The following PKN2 variants were observed in gnomAD, a reference collection of about 807,000 sequenced individuals.
PKN2 encodes the protein protein kinase N2, also known as serine/threonine-protein kinase N2.
Under a neutral mutation model 119.1 loss-of-function variants are expected in PKN2, and 38 were observed. That is an observed-to-expected ratio of 0.32 (90% CI 0.25 to 0.42). PKN2 has a LOEUF of 0.42. PKN2 is among the 10% of genes least tolerant of loss of function. The pLI is 1.00. For synonymous variants in PKN2, 390 were observed against 384.9 expected, an observed-to-expected ratio of 1.01 and a Z score of -0.15; for missense variants, 850 against 1,165.1, an observed-to-expected ratio of 0.73 and a Z score of 3.94.
At chr1:88,742,310 T>C (rs972745215) in intron 2 of PKN2, among the ~76,000 whole-genome samples, 1 of 152,166 alleles carries the variant, frequency 6.6e-6, no homozygotes, top group Admixed American at 6.5e-5. Context: ...GAACCTTAAA[T>C]TTTTACCATC....
At chr1:88,775,449 G>GT (rs1670053855) in intron 6 of PKN2, among the ~76,000 whole-genome samples, 1 of 151,906 alleles carries the variant, frequency 6.6e-6, no homozygotes, top group Non-Finnish European at 1.5e-5. Context: ...CTCATTTTTG[G>GT]TTTTGTGCTG....
intron 2 of PKN2, among the ~76,000 whole-genome samples, chr1:88,758,038 CAAAAAAAA>C (rs33914457): frequency 1.7e-5 from 1 of 59,070 alleles, no homozygotes. Flanking sequence ...GAGACTATCT[CAAAAAAAA>C]AAAAAAAAAA....
chr1:88,761,031 G>A lies in PKN2; in HGVS notation c.504+655G>A, dbSNP rs532844243. Reference sequence around the variant, plus strand: ...CAATGAAAAGATGGGACATTTTGGCGTCATCAATAATTGCTTGGCCTAGAC... The same window carrying A: ...CAATGAAAAGATGGGACATTTTGGCATCATCAATAATTGCTTGGCCTAGAC... On this transcript the variant is annotated intron_variant, in intron 3 of 21. Coordinates refer to ENST00000370521, the MANE Select transcript of PKN2 (RefSeq NM_006256.4). Among the ~76,000 whole-genome samples, 16 of 152,212 alleles carry A rather than the reference G, an allele frequency of 1.1e-4. 1 individual carries two copies. The highest frequency in any genetic ancestry group is 7.8e-4 in the Admixed American group (12 of 15,298).
At chr1:88,832,578 TTTG>T (rs1286717948) in intron 19 of PKN2, among the ~76,000 whole-genome samples, 163 bp from the exon 20 acceptor site, 3 of 151,878 alleles carry the variant, frequency 2.0e-5, no homozygotes, top group African/African-American at 2.4e-5. Flanking sequence ...TTATAGTTCT[TTTG>T]TTGTTGTTTT....
At chr1:88,829,339 T>C in intron 19 of PKN2, 1 of 393,060 alleles carries the variant, frequency 2.5e-6, no homozygotes, top group South Asian at 3.5e-5. Flanking sequence ...CACCAACAGC[T>C]CCACCGAGAT....
At chr1:88,758,085 A>T (rs1557591388) in intron 2 of PKN2, among the ~76,000 whole-genome samples, 1 of 149,304 alleles carries the variant, frequency 6.7e-6, no homozygotes, top group East Asian at 2.0e-4. Flanking sequence ...ATAATAATGG[A>T]TTATCCGGAA....
chr1:88,707,732 G>A (rs1385585347), intron 1 of PKN2, among the ~76,000 whole-genome samples: 2 of 151,964 alleles, frequency 1.3e-5, no homozygotes, highest in Admixed American at 6.6e-5. Context: ...GATTGTAACA[G>A]GATTGGTATA....
intron 1 of PKN2, among the ~76,000 whole-genome samples, chr1:88,735,379 C>T (rs1175623085): frequency 3.3e-5 from 5 of 152,030 alleles, no homozygotes; most frequent in Non-Finnish European, 7.4e-5. Flanking sequence ...CACCCAAGGC[C>T]TTGAGCTCCT....
At chr1:88,726,245 T>G (rs77952354) in intron 1 of PKN2, among the ~76,000 whole-genome samples, 6,064 of 152,280 alleles carry the variant, frequency 0.04, 279 homozygotes, top group African/African-American at 0.1. Flanking sequence ...GCAGACATCC[T>G]TGTCCTAATG....
intron 3 of PKN2, among the ~76,000 whole-genome samples, chr1:88,764,575 T>C (rs1443663118): frequency 6.6e-6 from 1 of 152,224 alleles, no homozygotes; most frequent in African/African-American, 2.4e-5. Context: ...GTTAAAACAA[T>C]GGATACCGCT....
At position 88,834,662 on chromosome 1, in the gene PKN2, T is replaced by C. The variant is rs1343755022; in HGVS notation, c.*1214T>C. The C allele has an allele frequency of 6.6e-6, 1 of 152,448 alleles. No individual in the cohort carries two copies. The highest frequency in any genetic ancestry group is 1.5e-5 in the Non-Finnish European group (1 of 67,972). 9.4% of individuals were successfully genotyped at this position (152,448 alleles called of 1,614,324 possible). A position where few individuals can be genotyped will look rare whatever the true frequency, so the allele number is the denominator to read the frequency against. Reference sequence around the variant, plus strand: ...CTATATTTTATTAAAAAATGAATTATAACACTAAAGCTGTACCTCAAAAGT... The same window carrying C: ...CTATATTTTATTAAAAAATGAATTACAACACTAAAGCTGTACCTCAAAAGT... On this transcript the variant is annotated 3_prime_UTR_variant, in exon 22 of 22. Coordinates refer to ENST00000370521, the MANE Select transcript of PKN2 (RefSeq NM_006256.4).
Position 88,807,324 on chromosome 1 carries a change from T to G in PKN2, c.1815T>G (p.Thr605=). Residue 605 remains threonine, a synonymous_variant, in exon 13 of 22, where the codon ACT becomes ACG. Transcript: ENST00000370521. ...TTAATATTTTACAGGATTCAGAGACTGTTTTTGATATTCAGAATGACAGAA... is the reference window on the plus strand; with the variant it reads ...TTAATATTTTACAGGATTCAGAGACGGTTTTTGATATTCAGAATGACAGAA... ...VLDIPGQDSE[T]VFDIQNDRNS... 1 of 1,564,972 alleles carries G rather than the reference T, an allele frequency of 6.4e-7. No homozygotes were observed. Among genetic ancestry groups the G allele is most frequent in the African/African-American group, 1.4e-5 (1 of 73,378 alleles).
At chr1:88,765,896 C>T (rs1419768811) in intron 3 of PKN2, among the ~76,000 whole-genome samples, 1 of 152,192 alleles carries the variant, frequency 6.6e-6, no homozygotes, top group East Asian at 1.9e-4. Flanking sequence ...ACTGCAGCCT[C>T]CACCTCCCAG....
intron 2 of PKN2, among the ~76,000 whole-genome samples, chr1:88,756,201 T>G (rs1244040740): frequency 6.6e-6 from 1 of 152,142 alleles, no homozygotes; most frequent in Non-Finnish European, 1.5e-5. Context: ...CGGCCGGATA[T>G]TTCAATATCT....
At chr1:88,717,558 ATAT>A (rs1667505019) in intron 1 of PKN2, among the ~76,000 whole-genome samples, 2 of 151,552 alleles carry the variant, frequency 1.3e-5, no homozygotes, top group Admixed American at 1.3e-4. Context: ...TCAATCACTG[ATAT>A]CCTTTCTTCT....
In PKN2 at chr1:88,805,657, A is replaced by G; in HGVS notation, c.1662A>G (p.Leu554=). Residue 554 remains leucine (L), a synonymous_variant, in exon 11 of 22, where the codon CTA becomes CTG. Coordinates refer to ENST00000370521, the MANE Select transcript of PKN2 (RefSeq NM_006256.4). ...VPVVDVRIPQ[L]APPASDSTVT... is the part of the protein sequence containing the mutation. Reference sequence around the variant, plus strand: ...TGGTTGATGTACGCATCCCTCAACTAGCACCTCCAGCTAGGTATGTGTCTG... The same window carrying G: ...TGGTTGATGTACGCATCCCTCAACTGGCACCTCCAGCTAGGTATGTGTCTG... 3 of 1,614,028 alleles carry G rather than the reference A, an allele frequency of 1.9e-6. No homozygotes were observed. The highest frequency in any genetic ancestry group is 2.5e-6 in the Non-Finnish European group (3 of 1,179,976).
chr1:88,810,763 T>C (rs1252461792), intron 15 of PKN2, among the ~76,000 whole-genome samples: 1 of 151,988 alleles, frequency 6.6e-6, no homozygotes, highest in African/African-American at 2.4e-5. Flanking sequence ...TGCACCACCA[T>C]GCCCAGTTCA....
At chr1:88,780,770 A>G (rs949078637) in intron 6 of PKN2, among the ~76,000 whole-genome samples, 2 of 152,202 alleles carry the variant, frequency 1.3e-5, no homozygotes, top group Non-Finnish European at 2.9e-5. Context: ...AATGCTGAAC[A>G]CATTGTTGAT....
At chr1:88,804,055 GA>G (rs1671438878) in intron 8 of PKN2, among the ~76,000 whole-genome samples, 1 of 152,106 alleles carries the variant, frequency 6.6e-6, no homozygotes, top group Non-Finnish European at 1.5e-5. Flanking sequence ...ATAGAGGAGG[GA>G]AATCTGAAAG....
Sources: gnomAD v4.1 joint callset for allele counts (sites outside exome capture counted in the v4.1 genomes callset) on GRCh38, gnomAD v4.1.1 for gene constraint, MANE v1.5 for transcripts, NCBI Gene and HGNC (gene_info 2026-07-23, HGNC 2026-07-21) for gene names.